Variants in RSL24D1 observed in about 807,000 individuals in gnomAD.
RSL24D1 encodes the protein ribosomal L24 domain containing 1, also known as probable ribosome biogenesis protein RLP24.
Under a neutral mutation model 26.2 loss-of-function variants are expected in RSL24D1, and 6 were observed. The observed-to-expected ratio is 0.23, with a 90% CI of 0.13 to 0.45. The LOEUF (loss-of-function observed/expected upper bound fraction) is 0.45, where lower values mean the gene tolerates loss of function less well. Ranked by LOEUF, RSL24D1 falls within the 20% of genes least tolerant of loss-of-function variation. RSL24D1 has a pLI of 0.99. For synonymous variants in RSL24D1, 61 were observed against 59.1 expected (o/e 1.03, Z -0.15); for missense variants, 176 against 202.6 (o/e 0.87, Z 0.80).
Position 55,192,853 on chromosome 15 carries a change from A to G in RSL24D1, c.82-20T>C. 1 of 1,534,066 alleles carries G rather than the reference A, an allele frequency of 6.5e-7. No individual in the cohort carries two copies. Among genetic ancestry groups the G allele is most frequent in the South Asian group, 1.1e-5 (1 of 88,734 alleles). On this transcript the variant is annotated intron_variant, in intron 1 of 5. Transcript: ENST00000260443. ...GAACACCTACAAGAAAAGTTAAAATATTGAGAAGTCAACATTAAAAACTTT... is the reference window on the plus strand; with the variant it reads ...GAACACCTACAAGAAAAGTTAAAATGTTGAGAAGTCAACATTAAAAACTTT...
At chr15:55,192,306 TCTC>T (rs1894306794) in intron 2 of RSL24D1, 1 of 156,270 alleles carries the variant, frequency 6.4e-6, no homozygotes, top group African/African-American at 2.4e-5. Context: ...TCTCTCTAGT[TCTC>T]CTCACACCAA....
intron 3 of RSL24D1, among the ~76,000 whole-genome samples, chr15:55,189,571 T>G (rs571135775): frequency 1.3e-5 from 2 of 152,312 alleles, no homozygotes; most frequent in South Asian, 4.1e-4. Flanking sequence ...TATAAATTCG[T>G]AAACTTTCTT....
intron 1 of RSL24D1, among the ~76,000 whole-genome samples, chr15:55,193,634 C>CA (rs1353684487): frequency 6.6e-6 from 1 of 152,166 alleles, no homozygotes; most frequent in East Asian, 1.9e-4. Flanking sequence ...ACAAACACTT[C>CA]AAACTAAATA....
At chr15:55,196,412 C>T (rs1196829599) in intron 1 of RSL24D1, 1 of 472,416 alleles carries the variant, frequency 2.1e-6, no homozygotes, top group East Asian at 6.5e-5. Context: ...CCATCAACCT[C>T]TACACTTTAG....
At chr15:55,187,109 C>A (rs1364584481) in intron 3 of RSL24D1, among the ~76,000 whole-genome samples, 3 of 152,164 alleles carry the variant, frequency 2.0e-5, no homozygotes, top group African/African-American at 7.2e-5. Context: ...TCAGGCCCCA[C>A]ACAAACCTAC....
chr15:55,190,623 A>G (rs965476799), intron 3 of RSL24D1, among the ~76,000 whole-genome samples: 1 of 152,212 alleles, frequency 6.6e-6, no homozygotes, highest in Non-Finnish European at 1.5e-5. Flanking sequence ...AAACATGTAA[A>G]GTGTGTTAGG....
chr15:55,186,391 T>G (rs1238634074), intron 3 of RSL24D1, among the ~76,000 whole-genome samples: 1 of 152,156 alleles, frequency 6.6e-6, no homozygotes, highest in Non-Finnish European at 1.5e-5. Flanking sequence ...AGACACCACC[T>G]TAACCTAATG....
At chr15:55,190,247 C>G (rs567023427) in intron 3 of RSL24D1, among the ~76,000 whole-genome samples, 1 of 65,186 alleles carries the variant, frequency 1.5e-5, no homozygotes, top group Non-Finnish European at 2.6e-5. Context: ...GACTTTCCAA[C>G]TCAAAAAAAA....
At chr15:55,185,236 A>G in intron 4 of RSL24D1, 126 bp downstream of exon 4, 1 of 568,136 alleles carries the variant, frequency 1.8e-6, no homozygotes, top group South Asian at 2.8e-5. Context: ...TCTTCATATT[A>G]TTCCTTGAAG....
intron 3 of RSL24D1, among the ~76,000 whole-genome samples, chr15:55,188,315 G>A (rs546290674): frequency 1.8e-4 from 28 of 152,246 alleles, no homozygotes; most frequent in Non-Finnish European, 3.4e-4. Context: ...TATTTACCTA[G>A]CACTCATACT....
chr15:55,191,472 G>T lies in RSL24D1; in HGVS notation c.196-425C>A, dbSNP rs371307998. On this transcript the variant is annotated intron_variant, in intron 2 of 5. Transcript: ENST00000260443. ...TTCCATGTTCTTCCTGTAGGAGACA[G>T]AAAAAAAAAAAGAGAGAGAAAACTT... Among the ~76,000 whole-genome samples the T allele has an allele frequency of 1.5e-3, 209 of 139,370 alleles. 5 individuals are homozygous for T. The South Asian group carries it at 0.046, about 31-fold the overall frequency. The allele number at this position is 139,370 out of a possible 152,430, so 91.4% of individuals were successfully genotyped here.
chr15:55,193,343 C>G (rs1010717363), intron 1 of RSL24D1, among the ~76,000 whole-genome samples: 1 of 152,182 alleles, frequency 6.6e-6, no homozygotes, highest in Non-Finnish European at 1.5e-5. Context: ...CTTTAACTCT[C>G]CACCTTCATC....
At position 55,190,957 on chromosome 15, in the gene RSL24D1, T is replaced by C; in HGVS notation, c.268+18A>G. The C allele has an allele frequency of 6.5e-7, 1 of 1,543,242 alleles. No homozygotes were observed. The highest frequency in any genetic ancestry group is 8.9e-7 in the Non-Finnish European group (1 of 1,122,756). ...ACCAGTCTCTCCTCAAAATTACTGGTATTTCTTTGTGACTTACTAGTTTTA... is the reference window on the plus strand; with the variant it reads ...ACCAGTCTCTCCTCAAAATTACTGGCATTTCTTTGTGACTTACTAGTTTTA... On this transcript the variant is annotated intron_variant, in intron 3 of 5. Coordinates refer to ENST00000260443, the MANE Select transcript of RSL24D1 (RefSeq NM_016304.3).
chr15:55,192,723 T>C lies in RSL24D1; in HGVS notation c.192A>G (p.Thr64=), dbSNP rs116077017. 5.6e-6 allele frequency: 9 copies of C among 1,605,398 alleles called. No individual in the cohort carries two copies. The highest frequency in any genetic ancestry group is 1.7e-4 in the Middle Eastern group (1 of 6,038). Residue 64 remains threonine, a synonymous_variant, in exon 2 of 6, where the codon ACA becomes ACG. Transcript: ENST00000260443. ...ATTGATAGCTAACCGTACTCACCAC[T>C]GTAAGCTCTTTACCAGCTGCTTTCC... ...AFRKAAGKEL[T]VDNSFEFEKR... is the part of the protein sequence containing the mutation.
chr15:55,184,267 G>C (rs553738940), intron 4 of RSL24D1, among the ~76,000 whole-genome samples: 73 of 152,094 alleles, frequency 4.8e-4, no homozygotes, highest in African/African-American at 1.8e-3. Flanking sequence ...AGAATGAGGA[G>C]AATTGTCAAA....
intron 1 of RSL24D1, among the ~76,000 whole-genome samples, chr15:55,194,844 A>C (rs1894337131): frequency 6.7e-6 from 1 of 150,312 alleles, no homozygotes; most frequent in South Asian, 2.1e-4. Context: ...ACACAATGTT[A>C]ATCTCCCCGT....
intron 3 of RSL24D1, among the ~76,000 whole-genome samples, chr15:55,190,202 C>G (rs999597806): frequency 7.1e-6 from 1 of 140,536 alleles, no homozygotes; most frequent in Non-Finnish European, 1.5e-5. Flanking sequence ...GAGCCGAGAT[C>G]GTGCCACTGC....
chr15:55,186,507 T>C (rs982611940), intron 3 of RSL24D1, among the ~76,000 whole-genome samples: 14 of 152,156 alleles, frequency 9.2e-5, no homozygotes, highest in African/African-American at 3.4e-4. Context: ...TTGCCAAATG[T>C]GCATTATCCA....
intron 3 of RSL24D1, among the ~76,000 whole-genome samples, chr15:55,188,811 T>G (rs1021144119): frequency 1.3e-5 from 2 of 152,148 alleles, no homozygotes; most frequent in African/African-American, 4.8e-5. Context: ...TTACAAAATA[T>G]GTAAAAATGA....
Sources: gnomAD v4.1 joint callset for allele counts (sites outside exome capture counted in the v4.1 genomes callset) on GRCh38, gnomAD v4.1.1 for gene constraint, MANE v1.5 for transcripts, NCBI Gene and HGNC (gene_info 2026-07-23, HGNC 2026-07-21) for gene names.